The following AOPEP variants were observed in gnomAD, a reference collection of about 807,000 sequenced individuals.
AOPEP encodes the protein aminopeptidase O (putative).
A neutral mutation model predicts 98.1 loss-of-function variants in AOPEP; 77 were observed. That is an observed-to-expected ratio of 0.78 (90% CI 0.65 to 0.95). AOPEP has a LOEUF of 0.95. Ranked by LOEUF, AOPEP falls within the 40% of genes least tolerant of loss-of-function variation. The probability of loss-of-function intolerance (pLI) is 0.00; values close to 1 mark genes in which losing one functional copy is unlikely to be tolerated. For missense variants in AOPEP, 1,024 were observed against 1,024.7 expected (o/e 1.00, Z 0.01); for synonymous variants, 346 against 365.3 (o/e 0.95, Z 0.60).
At chr9:94,761,997 A>C (rs79446203) in intron 2 of AOPEP, among the ~76,000 whole-genome samples, 1,661 of 152,330 alleles carry the variant, frequency 0.011, 35 homozygotes, top group African/African-American at 0.038. Flanking sequence ...TAGAATAATG[A>C]GGAAGAAGGA....
At chr9:94,943,935 A>ACAAAC (rs1363358244) in intron 7 of AOPEP, among the ~76,000 whole-genome samples, 1 of 146,152 alleles carries the variant, frequency 6.8e-6, no homozygotes, top group African/African-American at 2.7e-5. Context: ...AAAAAAAAAA[A>ACAAAC]AAAAAAAAAA....
intron 7 of AOPEP, among the ~76,000 whole-genome samples, chr9:94,946,944 G>C (rs775097888): frequency 1.3e-5 from 2 of 150,684 alleles, no homozygotes; most frequent in African/African-American, 2.4e-5. Context: ...GATTCACTCA[G>C]ATATATATAT....
chr9:94,917,647 G>C (rs531770563), intron 5 of AOPEP, among the ~76,000 whole-genome samples: 1 of 152,118 alleles, frequency 6.6e-6, no homozygotes, highest in Non-Finnish European at 1.5e-5. Context: ...CTTCCCTGAC[G>C]TAGCTGCCCA....
intron 1 of AOPEP, among the ~76,000 whole-genome samples, chr9:94,745,886 G>A (rs1349901140): frequency 6.6e-6 from 1 of 152,170 alleles, no homozygotes; most frequent in Non-Finnish European, 1.5e-5. Flanking sequence ...TATATACCTA[G>A]CAGTGGGATT....
intron 5 of AOPEP, among the ~76,000 whole-genome samples, chr9:94,891,559 A>G (rs34002696): frequency 0.018 from 2,792 of 152,178 alleles, 36 homozygotes; most frequent in Non-Finnish European, 0.029. Context: ...ATGCAATACC[A>G]TATACATATG....
chr9:94,970,494 T>G (rs1430415899), intron 10 of AOPEP, among the ~76,000 whole-genome samples: 6 of 152,106 alleles, frequency 3.9e-5, no homozygotes, highest in Non-Finnish European at 8.8e-5. Context: ...TTGATACATT[T>G]CTTTGTTTCT....
chr9:95,060,211 G>A (rs1192758413), intron 13 of AOPEP, among the ~76,000 whole-genome samples: 2 of 152,152 alleles, frequency 1.3e-5, no homozygotes, highest in African/African-American at 4.8e-5. Flanking sequence ...TTCAGTATGT[G>A]CTCTTTATTT....
At chr9:94,745,894 A>T (rs150203295) in intron 1 of AOPEP, among the ~76,000 whole-genome samples, 1 of 152,284 alleles carries the variant, frequency 6.6e-6, no homozygotes, top group East Asian at 1.9e-4. Flanking sequence ...TAGCAGTGGG[A>T]TTGATGGAAC....
intron 5 of AOPEP, among the ~76,000 whole-genome samples, chr9:94,895,239 TAAAA>T (rs60422899): frequency 1.7e-5 from 2 of 116,172 alleles, no homozygotes; most frequent in Admixed American, 1.6e-4. Context: ...TAAAATAAAA[TAAAA>T]AAAAAAAATA....
chr9:95,081,787 A>G (rs1322010775), intron 15 of AOPEP, among the ~76,000 whole-genome samples: 1 of 152,108 alleles, frequency 6.6e-6, no homozygotes, highest in African/African-American at 2.4e-5. Flanking sequence ...TTTTTGGGAA[A>G]GCACTTTTGA....
chr9:95,001,680 C>T (rs536855819), intron 11 of AOPEP, among the ~76,000 whole-genome samples: 10 of 152,334 alleles, frequency 6.6e-5, no homozygotes, highest in Admixed American at 6.5e-4. Flanking sequence ...AGATTAAATT[C>T]AGCTTGTAGC....
chr9:95,037,957 G>T (rs577015272), intron 13 of AOPEP, among the ~76,000 whole-genome samples: 60 of 152,254 alleles, frequency 3.9e-4, no homozygotes, highest in African/African-American at 1.4e-3. Context: ...ATGAGATGGT[G>T]TGGAGCTCCT....
chr9:94,944,253 ATAAC>A (rs144055498), intron 7 of AOPEP, among the ~76,000 whole-genome samples: 3,958 of 152,322 alleles, frequency 0.026, 76 homozygotes, highest in Admixed American at 0.062. Flanking sequence ...TCCTAGCTAA[ATAAC>A]CAAAAGAAAT....
In AOPEP at chr9:94,909,919, G is replaced by A. The variant is rs370510980; in HGVS notation, c.1365-14067G>A. Reference sequence around the variant, plus strand: ...CTTGCTTTCTCATCTGAGAATGGGAGGGGGTGGGGCCTCTAAGAGCCCTTC... The same window carrying A: ...CTTGCTTTCTCATCTGAGAATGGGAAGGGGTGGGGCCTCTAAGAGCCCTTC... On this transcript the variant is annotated intron_variant, in intron 5 of 16. Transcript: ENST00000375315. Among the ~76,000 whole-genome samples, 96 of 152,286 alleles carry A rather than the reference G, an allele frequency of 6.3e-4. No individual in the cohort carries two copies. In the East Asian group the frequency reaches 0.013, roughly 20 times the overall value.
At chr9:94,797,056 T>C (rs1487643075) in intron 4 of AOPEP, among the ~76,000 whole-genome samples, 1 of 152,246 alleles carries the variant, frequency 6.6e-6, no homozygotes, top group African/African-American at 2.4e-5. Context: ...TTTAGAGTTG[T>C]AAAGTATATG....
chr9:94,908,070 T>G (rs1342200287), intron 5 of AOPEP, among the ~76,000 whole-genome samples: 1 of 152,174 alleles, frequency 6.6e-6, no homozygotes, highest in Non-Finnish European at 1.5e-5. Context: ...GAAAGTCAGC[T>G]TCCTTCTCAG....
chr9:94,859,109 T>A (rs1188888924), intron 5 of AOPEP, among the ~76,000 whole-genome samples: 1 of 151,274 alleles, frequency 6.6e-6, no homozygotes, highest in East Asian at 1.9e-4. Flanking sequence ...AGAGTGAGAC[T>A]CTGTCTCAAA....
chr9:94,772,336 C>T (rs1276177405), intron 2 of AOPEP, among the ~76,000 whole-genome samples: 2 of 152,156 alleles, frequency 1.3e-5, no homozygotes, highest in Non-Finnish European at 2.9e-5. Flanking sequence ...ACTTTCTAAT[C>T]GCAGCAGAAT....
the AOPEP span, among the ~76,000 whole-genome samples, chr9:95,117,723 A>ATTT: frequency 2.9e-5 from 4 of 136,820 alleles, no homozygotes; most frequent in African/African-American, 5.4e-5. Flanking sequence ...GTATTTCAGC[A>ATTT]TTTTTTTTTT....
Sources: allele counts gnomAD v4.1 joint callset (sites outside exome capture counted in the v4.1 genomes callset), GRCh38; gene constraint gnomAD v4.1.1; transcripts MANE v1.5; gene names NCBI Gene and HGNC (gene_info 2026-07-23, HGNC 2026-07-21).